The following RAB8B variants were observed in gnomAD, a reference collection of about 807,000 sequenced individuals.
RAB8B encodes ras-related protein Rab-8B.
Under a neutral mutation model 32.0 loss-of-function variants are expected in RAB8B, and 11 were observed. The ratio of observed to expected loss-of-function variants is 0.34; its 90% confidence interval spans 0.22 to 0.57. The LOEUF (loss-of-function observed/expected upper bound fraction) is 0.57, where lower values mean the gene tolerates loss of function less well. Among genes scored for constraint, RAB8B ranks in the 20% least tolerant of loss-of-function variants. The pLI, the probability that RAB8B is intolerant of heterozygous loss-of-function variation, is 0.86. For missense variants in RAB8B, 190 were observed against 258.5 expected (o/e 0.73, Z 1.82); for synonymous variants, 103 against 89.6 (o/e 1.15, Z -0.85).
At chr15:63,201,541 A>C (rs1010963471) in intron 1 of RAB8B, among the ~76,000 whole-genome samples, 2 of 152,198 alleles carry the variant, frequency 1.3e-5, no homozygotes, top group Non-Finnish European at 2.9e-5. Context: ...TTCTAACCTT[A>C]TTCAAGAGTC....
At chr15:63,209,475 C>A (rs892564157) in intron 1 of RAB8B, among the ~76,000 whole-genome samples, 17 of 151,932 alleles carry the variant, frequency 1.1e-4, no homozygotes, top group African/African-American at 3.9e-4. Flanking sequence ...CCTGTAATCC[C>A]AGCTACTCGG....
chr15:63,217,983 G>GC (rs2037808005), intron 1 of RAB8B, among the ~76,000 whole-genome samples: 1 of 152,172 alleles, frequency 6.6e-6, no homozygotes, highest in African/African-American at 2.4e-5. Flanking sequence ...AAGCGAAGCT[G>GC]CCATTTTCTG....
chr15:63,209,484 G>A (rs905192690), intron 1 of RAB8B, among the ~76,000 whole-genome samples: 12 of 151,862 alleles, frequency 7.9e-5, no homozygotes, highest in African/African-American at 2.4e-4. Context: ...CCAGCTACTC[G>A]GAAGGCTGAG....
chr15:63,223,796 C>G (rs916683923), intron 1 of RAB8B: 4 of 386,572 alleles, frequency 1.0e-5, no homozygotes, highest in African/African-American at 8.4e-5. Context: ...GACTGATACA[C>G]TGTTCCAAAA....
At chr15:63,196,404 T>C (rs954392212) in intron 1 of RAB8B, among the ~76,000 whole-genome samples, 3 of 152,236 alleles carry the variant, frequency 2.0e-5, no homozygotes, top group African/African-American at 2.4e-5. Flanking sequence ...GGAGATAGCA[T>C]GTTGAATTAA....
chr15:63,202,035 C>T (rs1284791318), intron 1 of RAB8B, among the ~76,000 whole-genome samples: 1 of 141,184 alleles, frequency 7.1e-6, no homozygotes, highest in Non-Finnish European at 1.5e-5. Context: ...GGCGGATCCA[C>T]AAGGTCAGGA....
rs2038088710 is a variant in RAB8B at position 63,248,419 on chromosome 15, G to A, written c.186-1226G>A. 6.6e-6 allele frequency among the ~76,000 whole-genome samples: 1 copy of A among 152,200 alleles called. No homozygotes were observed. The highest frequency in any genetic ancestry group is 2.4e-5 in the African/African-American group (1 of 41,450). On this transcript the variant is annotated intron_variant, in intron 2 of 7. Transcript: ENST00000321437. The surrounding 1 kb of genome is among the most constrained non-coding windows in gnomAD (Gnocchi z 4.4). ...CCCAGCTACTTGGGAGGCTGAGGCA[G>A]GAGAATCGCTTGAACCCAGGAGGCA...
At chr15:63,236,398 A>G (rs74617177) in intron 1 of RAB8B, among the ~76,000 whole-genome samples, 3,326 of 152,278 alleles carry the variant, frequency 0.022, 110 homozygotes, top group African/African-American at 0.073. Flanking sequence ...GTTGAGGTAT[A>G]TTTGAGCAAC....
At chr15:63,215,564 T>C (rs2037785273) in intron 1 of RAB8B, among the ~76,000 whole-genome samples, 1 of 152,228 alleles carries the variant, frequency 6.6e-6, no homozygotes, top group African/African-American at 2.4e-5. Flanking sequence ...AGGAAAGTTC[T>C]TTCTAGTTTA....
chr15:63,231,404 T>C (rs2037935298), intron 1 of RAB8B, among the ~76,000 whole-genome samples: 1 of 152,204 alleles, frequency 6.6e-6, no homozygotes, highest in Non-Finnish European at 1.5e-5. Flanking sequence ...AATGTAGTTG[T>C]AATTTTTTCC....
Position 63,267,475 on chromosome 15 carries a change from T to C in RAB8B, c.*3856T>C, listed in dbSNP as rs1281459947. ...GTTTGCAGCTGACACTGCAGTTCCT[T>C]TCATGCAAAATACCATAAACTGTTT... On this transcript the variant is annotated 3_prime_UTR_variant, in exon 8 of 8. Coordinates refer to ENST00000321437, the MANE Select transcript of RAB8B (RefSeq NM_016530.3). The C allele has an allele frequency of 6.6e-6, 1 of 152,314 alleles. No homozygotes were observed. Among genetic ancestry groups the C allele is most frequent in the African/African-American group, 2.4e-5 (1 of 41,452 alleles). The allele number at this position is 152,314 out of a possible 1,614,324, so 9.4% of individuals were successfully genotyped here.
chr15:63,196,221 C>G (rs1169526128), intron 1 of RAB8B, among the ~76,000 whole-genome samples: 5 of 152,262 alleles, frequency 3.3e-5, no homozygotes, highest in African/African-American at 1.2e-4. Flanking sequence ...TGTCTGTGGG[C>G]TAGATGAGGC....
Position 63,229,780 on chromosome 15 carries a change from C to CAAAAAAAAAA in RAB8B, c.125-14955_125-14946dup, listed in dbSNP as rs56015501. The stretch of plus-strand genomic sequence containing the variant: ...TAGGTGACAGAGCAAGACGCTGTTT[C>CAAAAAAAAAA]AAAAAAAAAAAAAAAAAAAAAAAAA... On this transcript the variant is annotated intron_variant, in intron 1 of 7. Transcript: ENST00000321437. 1.9e-3 allele frequency among the ~76,000 whole-genome samples: 68 copies of CAAAAAAAAAA among 35,986 alleles called. 28 individuals carry two copies. Among genetic ancestry groups the CAAAAAAAAAA allele is most frequent in the Non-Finnish European group, 2.5e-3 (40 of 15,870 alleles). The allele number at this position is 35,986 out of a possible 152,430, so 23.6% of individuals were successfully genotyped here.
In RAB8B at chr15:63,249,631, G is replaced by C; in HGVS notation, c.186-14G>C. The stretch of plus-strand genomic sequence containing the variant: ...ATGACTTCAAAAACCACTCTCCTTT[G>C]TTTCATATTTTAGGGACACAGCGGG... On this transcript the variant is annotated splice_polypyrimidine_tract_variant and intron_variant, in intron 2 of 7. Transcript: ENST00000321437. 1 of 1,613,012 alleles carries C rather than the reference G, an allele frequency of 6.2e-7. No homozygotes were observed. Among genetic ancestry groups the C allele is most frequent in the Non-Finnish European group, 8.5e-7 (1 of 1,179,292 alleles).
intron 1 of RAB8B, among the ~76,000 whole-genome samples, chr15:63,216,634 G>A (rs1053880067): frequency 2.0e-5 from 3 of 151,724 alleles, no homozygotes; most frequent in African/African-American, 4.8e-5. Context: ...AGGCCAAGGC[G>A]GGCAGATCAC....
intron 1 of RAB8B, among the ~76,000 whole-genome samples, chr15:63,213,054 CCTT>C (rs1310955817): frequency 6.6e-6 from 1 of 152,156 alleles, no homozygotes; most frequent in Non-Finnish European, 1.5e-5. Context: ...TCTCTTCCTC[CCTT>C]CTTTCCTCCC....
At chr15:63,262,808 G>A in intron 7 of RAB8B, 66 bp downstream of exon 7, 3 of 753,962 alleles carry the variant, frequency 4.0e-6, no homozygotes, top group South Asian at 3.3e-5. Context: ...AAAAGGATAG[G>A]TCTAATTATA....
chr15:63,265,736 C>G lies in RAB8B; in HGVS notation c.*2117C>G, dbSNP rs2038241121. ...CAAAACTGACATATTCTGTGGTTAGCTTTTATTACTTTTTTTTTTAACAGA... is the reference window on the plus strand; with the variant it reads ...CAAAACTGACATATTCTGTGGTTAGGTTTTATTACTTTTTTTTTTAACAGA... On this transcript the variant is annotated 3_prime_UTR_variant, in exon 8 of 8. Coordinates refer to ENST00000321437, the MANE Select transcript of RAB8B (RefSeq NM_016530.3). This position sits in a 1 kb window ranked among gnomAD's most constrained non-coding sequence, Gnocchi z 4.9. 1 of 152,132 alleles carries G rather than the reference C, an allele frequency of 6.6e-6. No individual in the cohort carries two copies. The highest frequency in any genetic ancestry group is 2.1e-4 in the South Asian group (1 of 4,796). 9.4% of individuals were successfully genotyped at this position (152,132 alleles called of 1,614,324 possible). A position where few individuals can be genotyped will look rare whatever the true frequency, so the allele number is the denominator to read the frequency against.
chr15:63,229,780 CAAAAAAAAAAA>C (rs56015501), intron 1 of RAB8B, among the ~76,000 whole-genome samples: 18 of 35,986 alleles, frequency 5.0e-4, no homozygotes, highest in African/African-American at 9.8e-4. Context: ...GACGCTGTTT[CAAAAAAAAAAA>C]AAAAAAAAAA....
Sources: gnomAD v4.1 joint callset for allele counts (sites outside exome capture counted in the v4.1 genomes callset) on GRCh38, gnomAD v4.1.1 for gene constraint, Gnocchi (gnomAD v3.1) non-coding constraint, MANE v1.5 for transcripts, NCBI Gene and HGNC (gene_info 2026-07-23, HGNC 2026-07-21) for gene names.